ATP2B4: variants seen among roughly 807,000 people sequenced by gnomAD.
The protein encoded by ATP2B4 is ATPase plasma membrane Ca2+ transporting 4, also known as plasma membrane calcium-transporting ATPase 4.
A neutral mutation model predicts 110.3 loss-of-function variants in ATP2B4; 39 were observed. The observed-to-expected ratio is 0.35, with a 90% confidence interval of 0.27 to 0.46. ATP2B4 has a LOEUF of 0.46. Among genes scored for constraint, ATP2B4 ranks in the 20% least tolerant of loss-of-function variants. ATP2B4 has a pLI of 1.00. For synonymous variants in ATP2B4, 538 were observed against 571.7 expected (o/e 0.94, Z 0.84); for missense variants, 1,135 against 1,530.9 (o/e 0.74, Z 4.32).
At position 203,631,826 on chromosome 1, in the gene ATP2B4, G is replaced by C. The variant is rs554047347; in HGVS notation, c.-465+4607G>C. Among the ~76,000 whole-genome samples the C allele has an allele frequency of 3.8e-3, 577 of 152,186 alleles. 1 individual carries two copies. The highest frequency in any genetic ancestry group is 6.4e-3 in the Non-Finnish European group (432 of 68,008). On this transcript the variant is annotated intron_variant, in intron 1 of 20. Transcript: ENST00000357681. ...TGTTTGTTTTTTGAGACAGAGTCTC[G>C]CTCTGTCGCCCAGGCTGGAGTGCAG...
intron 1 of ATP2B4, among the ~76,000 whole-genome samples, chr1:203,633,869 G>T (rs1190900401): frequency 6.6e-6 from 1 of 151,992 alleles, no homozygotes. Context: ...TGACCAATAT[G>T]GAGAAACCCC....
intron 18 of ATP2B4, among the ~76,000 whole-genome samples, chr1:203,723,440 C>CTCTA (rs1666401467): frequency 7.6e-6 from 1 of 131,540 alleles, no homozygotes; most frequent in African/African-American, 3.0e-5. Flanking sequence ...CTCTCTCTCT[C>CTCTA]TCTCTCTCTC....
At chr1:203,694,149 G>GTAA (rs1665465386) in intron 2 of ATP2B4, among the ~76,000 whole-genome samples, 1 of 152,210 alleles carries the variant, frequency 6.6e-6, no homozygotes, top group Non-Finnish European at 1.5e-5. Flanking sequence ...CTGGCACATA[G>GTAA]TAATCACTTA....
intron 15 of ATP2B4, among the ~76,000 whole-genome samples, chr1:203,717,356 T>A (rs1231062428): frequency 2.6e-5 from 4 of 151,954 alleles, no homozygotes; most frequent in African/African-American, 9.7e-5. Flanking sequence ...ATGAGTGGAT[T>A]TTTTTTTAAG....
intron 2 of ATP2B4, among the ~76,000 whole-genome samples, chr1:203,687,049 G>A (rs1665215381): frequency 6.8e-6 from 1 of 146,412 alleles, no homozygotes; most frequent in Admixed American, 6.8e-5. Context: ...CTGTTGCCCA[G>A]ACTGGTCTCA....
intron 1 of ATP2B4, among the ~76,000 whole-genome samples, chr1:203,628,053 C>T (rs1386984627): frequency 6.6e-6 from 1 of 152,064 alleles, no homozygotes; most frequent in Non-Finnish European, 1.5e-5. Flanking sequence ...GAAAAGTTTC[C>T]GATGTCGAGG....
chr1:203,739,395 A>T (rs1666949236), intron 20 of ATP2B4, 151 bp from the exon 21 acceptor site: 1 of 750,284 alleles, frequency 1.3e-6, no homozygotes, highest in African/African-American at 1.8e-5. Context: ...GTGCCCCATG[A>T]TCTCTTCTGA....
intron 1 of ATP2B4, among the ~76,000 whole-genome samples, chr1:203,675,724 C>T (rs1379401842): frequency 1.3e-5 from 2 of 152,102 alleles, no homozygotes. Context: ...GTGAGGGAGG[C>T]CCGTGGATAC....
intron 1 of ATP2B4, among the ~76,000 whole-genome samples, chr1:203,661,375 A>C (rs1283206486): frequency 2.0e-5 from 3 of 152,108 alleles, no homozygotes. Flanking sequence ...TCCTCTGTAA[A>C]ATGGGAGTGA....
At chr1:203,627,898 A>G (rs1485666161) in intron 1 of ATP2B4, among the ~76,000 whole-genome samples, 11 of 152,174 alleles carry the variant, frequency 7.2e-5, no homozygotes, top group Non-Finnish European at 4.4e-5. Context: ...CACATGTATA[A>G]TTAGCTGTGG....
At position 203,712,154 on chromosome 1, in the gene ATP2B4, G is replaced by T; in HGVS notation, c.2211+15G>T. ...AGAAAGGCGAGGTGGGTCCTGGCTA[G>T]GGGGAACCAGGACCTCACCTGACAA... is the stretch of plus-strand genomic sequence containing the variant. On this transcript the variant is annotated intron_variant, in intron 13 of 20. Coordinates refer to ENST00000357681, the MANE Select transcript of ATP2B4 (RefSeq NM_001684.5). 6.2e-7 allele frequency: 1 copy of T among 1,611,942 alleles called. No homozygotes were observed. The highest frequency in any genetic ancestry group is 8.5e-7 in the Non-Finnish European group (1 of 1,178,914).
intron 20 of ATP2B4, chr1:203,729,604 G>C (rs1382422184): frequency 1.6e-6 from 1 of 620,038 alleles, no homozygotes; most frequent in African/African-American, 1.9e-5. Context: ...GCACCTGACT[G>C]TACTTCCAGG....
intron 3 of ATP2B4, 104 bp downstream of exon 3, chr1:203,698,458 TC>T: frequency 1.6e-6 from 2 of 1,233,476 alleles, no homozygotes; most frequent in Non-Finnish European, 2.3e-6. Context: ...TTAAAACATT[TC>T]CCCCATTATC....
rs769613115 is a variant in ATP2B4, at chr1:203,709,444, C to G, written c.1701C>G (p.Thr567=). The G allele has an allele frequency of 1.9e-6, 3 of 1,614,062 alleles. No individual in the cohort carries two copies. The highest frequency in any genetic ancestry group is 2.5e-6 in the Non-Finnish European group (3 of 1,180,052). ...AGGAGAAGCTCTACAAGGTGTACAC[C>G]TTTAACTCAGTGCGCAAGTCAATGA... ...VPEEKLYKVY[T]FNSVRKSMST... Residue 567 remains threonine (T), a synonymous_variant, in exon 11 of 21, where the codon ACC becomes ACG. Transcript: ENST00000357681.
At chr1:203,689,600 T>G (rs1665303763) in intron 2 of ATP2B4, among the ~76,000 whole-genome samples, 1 of 152,240 alleles carries the variant, frequency 6.6e-6, no homozygotes, top group South Asian at 2.1e-4. Flanking sequence ...TCTTTTCTCC[T>G]CTGCAGAGTT....
intron 1 of ATP2B4, among the ~76,000 whole-genome samples, chr1:203,681,416 T>A (rs1665005801): frequency 6.6e-6 from 1 of 152,210 alleles, no homozygotes; most frequent in African/African-American, 2.4e-5. Flanking sequence ...GTGTGGCATC[T>A]ATTTATTACA....
intron 7 of ATP2B4, 26 bp from the exon 8 acceptor site, chr1:203,703,626 C>G (rs756641165): frequency 1.9e-6 from 3 of 1,608,802 alleles, no homozygotes; most frequent in Non-Finnish European, 2.5e-6. Context: ...GCCTGCTCAC[C>G]TGTCCTATTT....
chr1:203,632,873 A>T (rs1663316007), intron 1 of ATP2B4, among the ~76,000 whole-genome samples: 1 of 152,128 alleles, frequency 6.6e-6, no homozygotes, highest in Non-Finnish European at 1.5e-5. Context: ...AAAAAGAGAG[A>T]TATAAGTATG....
rs1205078831 is a variant in ATP2B4, at chr1:203,700,327, C to T, written c.771C>T (p.Leu257=). The T allele has an allele frequency of 3.1e-6, 5 of 1,612,404 alleles. No individual in the cohort carries two copies. The highest frequency in any genetic ancestry group is 1.3e-5 in the African/African-American group (1 of 74,870). The stretch of plus-strand genomic sequence containing the variant: ...CCCTGGACAAAGACCCCATGTTGCT[C>T]TCAGGTATAGGCCCTGGCTGCCCAA... ...KKSLDKDPML[L]SGTHVMEGSG... The change falls in exon 5 of 21, where the codon CTC becomes CTT. Residue 257 remains leucine, a synonymous_variant. Transcript: ENST00000357681.
Sources: gnomAD v4.1 joint callset for allele counts (sites outside exome capture counted in the v4.1 genomes callset) on GRCh38, gnomAD v4.1.1 for gene constraint, MANE v1.5 for transcripts, NCBI Gene and HGNC (gene_info 2026-07-23, HGNC 2026-07-21) for gene names.